The following PTK2 variants were observed in gnomAD, a reference collection of about 807,000 sequenced individuals.
PTK2 encodes protein tyrosine kinase 2, also known as focal adhesion kinase 1.
Under a neutral mutation model 150.1 loss-of-function variants are expected in PTK2, and 45 were observed. The observed-to-expected ratio is 0.30, with a 90% CI of 0.24 to 0.38. PTK2 has a LOEUF of 0.38. PTK2 is among the 10% of genes least tolerant of loss of function. The probability of loss-of-function intolerance (pLI) is 1.00; values close to 1 mark genes in which losing one functional copy is unlikely to be tolerated. For missense variants in PTK2, 919 were observed against 1,307.3 expected (o/e 0.70, Z 4.58); for synonymous variants, 432 against 449.2 (o/e 0.96, Z 0.48).
At chr8:140,893,472 G>GAA in intron 2 of PTK2, among the ~76,000 whole-genome samples, 1 of 152,252 alleles carries the variant, frequency 6.6e-6, no homozygotes, top group East Asian at 1.9e-4. Context: ...AAAAAGAAAC[G>GAA]AAGCACTGAT....
rs570437652 is a variant in PTK2, at chr8:140,890,768, T to C, written c.-31A>G. 9 of 1,613,398 alleles carry C rather than the reference T, an allele frequency of 5.6e-6. No individual in the cohort carries two copies. The East Asian group carries it at 1.8e-4, about 32-fold the overall frequency. On this transcript the variant is annotated splice_region_variant and 5_prime_UTR_variant, in exon 3 of 32. Transcript: ENST00000522684. Reference sequence around the variant, plus strand: ...TGCTAGATGCTAGGTATCTGTCATATTCTGTTAAAAGAACAAAATAATTTT... The same window carrying C: ...TGCTAGATGCTAGGTATCTGTCATACTCTGTTAAAAGAACAAAATAATTTT...
chr8:140,718,326 A>G (rs2100040896), intron 22 of PTK2: 1 of 152,434 alleles, frequency 6.6e-6, no homozygotes, highest in Admixed American at 6.5e-5. Context: ...CCACTGCTTG[A>G]CTACTCAGAA....
At chr8:140,862,894 G>A (rs2100137075) in intron 5 of PTK2, among the ~76,000 whole-genome samples, 1 of 152,226 alleles carries the variant, frequency 6.6e-6, no homozygotes, top group South Asian at 2.1e-4. Flanking sequence ...CTCAAAACCA[G>A]TCGCTGGTGC....
chr8:140,717,490 T>C (rs1331512208), intron 23 of PTK2, 108 bp downstream of exon 26: 3 of 838,068 alleles, frequency 3.6e-6, no homozygotes, highest in Non-Finnish European at 6.0e-6. Context: ...CTATTACTCT[T>C]AGAATAACCT....
chr8:140,955,033 A>G (rs2100180779), intron 1 of PTK2, among the ~76,000 whole-genome samples: 1 of 152,272 alleles, frequency 6.6e-6, no homozygotes, highest in East Asian at 1.9e-4. Context: ...TATACATGAA[A>G]TAACTAAGAA....
At chr8:140,830,221 A>G (rs1244538266) in intron 8 of PTK2, among the ~76,000 whole-genome samples, 1 of 152,198 alleles carries the variant, frequency 6.6e-6, no homozygotes, top group Non-Finnish European at 1.5e-5. Context: ...CTGTGCACAT[A>G]ACTTTTTTAG....
chr8:140,918,215 C>CT (rs749105587), intron 2 of PTK2, among the ~76,000 whole-genome samples: 2 of 152,084 alleles, frequency 1.3e-5, no homozygotes, highest in Non-Finnish European at 2.9e-5. Flanking sequence ...GTTTGAGGCA[C>CT]TGAAAAGCCA....
chr8:140,759,028 T>C (rs1412499371), intron 16 of PTK2, among the ~76,000 whole-genome samples: 3 of 152,242 alleles, frequency 2.0e-5, no homozygotes, highest in Admixed American at 1.3e-4. Context: ...CTATATTATA[T>C]AGCCTAGATG....
intron 1 of PTK2, among the ~76,000 whole-genome samples, chr8:140,968,434 C>CTA (rs1389180419): frequency 2.0e-5 from 3 of 151,954 alleles, no homozygotes; most frequent in Non-Finnish European, 2.9e-5. Flanking sequence ...GCACTAAGAA[C>CTA]TATATATCAC....
At chr8:140,730,155 A>G (rs1304371183) in intron 22 of PTK2, among the ~76,000 whole-genome samples, 1 of 92,494 alleles carries the variant, frequency 1.1e-5, no homozygotes, top group Non-Finnish European at 1.9e-5. Context: ...ACTGCTTTCC[A>G]AGGTGATACT....
intron 4 of PTK2, among the ~76,000 whole-genome samples, chr8:140,876,897 C>T (rs1445847293): frequency 1.3e-5 from 2 of 151,996 alleles, no homozygotes; most frequent in African/African-American, 4.8e-5. Flanking sequence ...ACTTAAATTC[C>T]TCCCCTTTTA....
chr8:140,679,575 T>C (rs1044425224), intron 27 of PTK2, among the ~76,000 whole-genome samples: 3 of 152,164 alleles, frequency 2.0e-5, no homozygotes, highest in Admixed American at 6.5e-5. Context: ...GCTGTTTACT[T>C]TGGAAAAGCT....
In PTK2 at chr8:140,814,771, T is replaced by C. The variant is rs546958258; in HGVS notation, c.867+3506A>G. On this transcript the variant is annotated intron_variant, in intron 10 of 31. Transcript: ENST00000522684. ...GGCTATATACCCAAAGGAATATAAA[T>C]TGTTCTTTTTTTTTTTTTTTTGAGA... Among the ~76,000 whole-genome samples the C allele has an allele frequency of 2.0e-5, 3 of 152,056 alleles. No homozygotes were observed. The East Asian group carries it at 5.8e-4, about 29-fold the overall frequency.
At chr8:140,896,786 A>G (rs969616934) in intron 2 of PTK2, among the ~76,000 whole-genome samples, 2 of 35,604 alleles carry the variant, frequency 5.6e-5, no homozygotes, top group African/African-American at 1.4e-4. Flanking sequence ...CCCCCAAAAA[A>G]ACGGGGGGGG....
chr8:140,772,967 T>A (rs1447520352), intron 14 of PTK2, among the ~76,000 whole-genome samples: 1 of 152,216 alleles, frequency 6.6e-6, no homozygotes, highest in Non-Finnish European at 1.5e-5. Context: ...AGTTTTCTTA[T>A]TGTAAAATGG....
At chr8:140,780,977 A>C (rs2100081342) in intron 14 of PTK2, among the ~76,000 whole-genome samples, 1 of 152,226 alleles carries the variant, frequency 6.6e-6, no homozygotes, top group South Asian at 2.1e-4. Context: ...AAAGTTTTAA[A>C]AACTCAAAAT....
chr8:140,812,711 GA>G (rs1363629258), intron 10 of PTK2, among the ~76,000 whole-genome samples: 2 of 151,700 alleles, frequency 1.3e-5, no homozygotes, highest in African/African-American at 4.8e-5. Context: ...ATGGAAAACA[GA>G]AAAAAACAGG....
chr8:140,838,673 C>A lies in PTK2; in HGVS notation c.593+7587G>T, dbSNP rs1299854366. Among the ~76,000 whole-genome samples, 6 of 152,070 alleles carry A rather than the reference C, an allele frequency of 3.9e-5. 1 individual carries two copies. Among genetic ancestry groups the A allele is most frequent in the Non-Finnish European group, 8.8e-5 (6 of 68,014 alleles). ...AAGGGTGAAATTTTTTAAAAAGAGA[C>A]AGATTTAAAAACAGAATTTTATTAT... On this transcript the variant is annotated intron_variant, in intron 7 of 31. Coordinates refer to ENST00000522684, the Ensembl canonical transcript of PTK2.
At chr8:140,663,509 G>A (rs937725594) in intron 31 of PTK2, among the ~76,000 whole-genome samples, 6 of 152,148 alleles carry the variant, frequency 3.9e-5, no homozygotes, top group African/African-American at 7.2e-5. Flanking sequence ...TCCCACATGC[G>A]TTTGTCAATC....
Sources: gnomAD v4.1 joint callset for allele counts (sites outside exome capture counted in the v4.1 genomes callset) on GRCh38, gnomAD v4.1.1 for gene constraint, MANE v1.5 for transcripts, NCBI Gene and HGNC (gene_info 2026-07-23, HGNC 2026-07-21) for gene names.